The following SLC7A13 variants were observed in gnomAD, a reference collection of about 807,000 sequenced individuals.
The protein encoded by SLC7A13 is solute carrier family 7 member 13.
In SLC7A13, 31 loss-of-function variants were observed where a neutral mutation model predicts 32.0. That is an observed-to-expected ratio of 0.97 (90% confidence interval 0.73 to 1.31). SLC7A13 has a LOEUF of 1.31. SLC7A13 is among the 50% of genes most tolerant of loss of function. The probability of loss-of-function intolerance (pLI) is 0.00; values close to 1 mark genes in which losing one functional copy is unlikely to be tolerated. For synonymous variants in SLC7A13, 232 were observed against 206.9 expected (o/e 1.12, Z -1.04); for missense variants, 633 against 546.9 (o/e 1.16, Z -1.57).
chr8:86,230,038 T>C lies in SLC7A13; in HGVS notation c.240A>G (p.Gln80=). Residue 80 remains glutamine, a synonymous_variant, in exon 1 of 4, where the codon CAA becomes CAG. Transcript: ENST00000297524. ...ISISFPCSGA[Q]YYFLKRYFGS... ...CAAAGTATCTCTTGAGAAAATAGTA[T>C]TGAGCTCCACTGCATGGGAAGCTTA... 1 of 1,614,118 alleles carries C rather than the reference T, an allele frequency of 6.2e-7. No individual in the cohort carries two copies. Among genetic ancestry groups the C allele is most frequent in the South Asian group, 1.1e-5 (1 of 91,080 alleles).
intron 1 of SLC7A13, among the ~76,000 whole-genome samples, chr8:86,227,716 A>T (rs2954346): frequency 0.52 from 78,552 of 151,928 alleles, 22,122 homozygotes; most frequent in African/African-American, 0.73. Flanking sequence ...CTGGATTTTT[A>T]AAAAATGTGG....
intron 1 of SLC7A13, among the ~76,000 whole-genome samples, chr8:86,227,635 C>G (rs1586150563): frequency 6.6e-6 from 1 of 152,192 alleles, no homozygotes. Context: ...GACTTCCGCA[C>G]TTGCATGTTT....
At chr8:86,218,987 G>A (rs1473090094) in intron 2 of SLC7A13, among the ~76,000 whole-genome samples, 3 of 152,058 alleles carry the variant, frequency 2.0e-5, no homozygotes, top group Non-Finnish European at 4.4e-5. Context: ...TCCCAAATGC[G>A]ACAAAATTAA....
chr8:86,219,096 C>T (rs760542696), intron 2 of SLC7A13, among the ~76,000 whole-genome samples: 4 of 152,162 alleles, frequency 2.6e-5, no homozygotes, highest in Non-Finnish European at 5.9e-5. Flanking sequence ...AGCCTTAGTG[C>T]TATTCTACAA....
intron 1 of SLC7A13, among the ~76,000 whole-genome samples, chr8:86,228,540 A>C (rs1820427876): frequency 6.6e-6 from 1 of 151,820 alleles, no homozygotes. Flanking sequence ...CACTCAGATA[A>C]TTTTTTAAGA....
rs1437147634 is a variant in SLC7A13, at chr8:86,214,519, T to C, written c.1307A>G (p.Tyr436Cys). Residue 436 changes from tyrosine to cysteine, a missense_variant, in exon 4 of 4, where the codon TAC becomes TGC. By Grantham distance (194) the Tyr-to-Cys change is radical. Transcript: ENST00000297524. ...LLLVLSGLLF[Y>C]IPLIHFKIRL... ...TATTTTAAAATGTATTAAAGGTATG[T>C]AAAATAGTAATCCGCTGAGAACTAA... is the stretch of plus-strand genomic sequence containing the variant. 1 of 1,613,008 alleles carries C rather than the reference T, an allele frequency of 6.2e-7. No individual in the cohort carries two copies. The highest frequency in any genetic ancestry group is 2.2e-5 in the East Asian group (1 of 44,764).
intron 1 of SLC7A13, among the ~76,000 whole-genome samples, chr8:86,229,080 C>T (rs910631376): frequency 4.6e-5 from 7 of 152,016 alleles, no homozygotes; most frequent in East Asian, 3.9e-4. Flanking sequence ...GAATGCTTGA[C>T]GTGAAAATGG....
intron 1 of SLC7A13, 87 bp downstream of exon 1, chr8:86,229,506 A>C: frequency 8.4e-7 from 1 of 1,194,844 alleles, no homozygotes; most frequent in Middle Eastern, 2.0e-4. Context: ...TAAATCATTT[A>C]AGACTCAAAA....
chr8:86,219,699 C>T (rs1820255685), intron 2 of SLC7A13, among the ~76,000 whole-genome samples: 1 of 152,164 alleles, frequency 6.6e-6, no homozygotes, highest in East Asian at 1.9e-4. Flanking sequence ...CTTATTGGTA[C>T]ATTTGCATGC....
chr8:86,217,349 T>C, intron 3 of SLC7A13, 121 bp downstream of exon 3: 1 of 907,220 alleles, frequency 1.1e-6, no homozygotes, highest in Non-Finnish European at 1.5e-6. Context: ...TATTCTCATG[T>C]GTTTCACAGT....
intron 3 of SLC7A13, among the ~76,000 whole-genome samples, chr8:86,217,161 A>G (rs1820197199): frequency 1.3e-5 from 2 of 152,208 alleles, no homozygotes; most frequent in South Asian, 4.1e-4. Context: ...GAAGACATTC[A>G]TATGCATGAC....
intron 2 of SLC7A13, 143 bp from the exon 3 acceptor site, chr8:86,217,974 T>C: frequency 1.1e-6 from 1 of 906,624 alleles, no homozygotes; most frequent in East Asian, 2.8e-5. Context: ...ATTTATTTCC[T>C]TAGTTACACC....
At chr8:86,224,615 C>A (rs2976188) in intron 1 of SLC7A13, among the ~76,000 whole-genome samples, 19,702 of 152,090 alleles carry the variant, frequency 0.13, 1,382 homozygotes, top group Non-Finnish European at 0.15. Context: ...CACCATTTCC[C>A]CAAATTTTGT....
chr8:86,223,793 G>GCA (rs59737111), intron 1 of SLC7A13, among the ~76,000 whole-genome samples: 23,067 of 146,948 alleles, frequency 0.16, 1,898 homozygotes, highest in African/African-American at 0.19. Context: ...ACACTAAAAT[G>GCA]CACACACACA....
At chr8:86,214,716 A>T in intron 3 of SLC7A13, 70 bp from the exon 4 acceptor site, 2 of 1,092,244 alleles carry the variant, frequency 1.8e-6, no homozygotes, top group Non-Finnish European at 2.6e-6. Context: ...TATTCATATA[A>T]ATAAAAATGC....
rs1443233402 is a variant in SLC7A13 at position 86,217,678 on chromosome 8, G to T, written c.971C>A (p.Pro324His). The T allele has an allele frequency of 1.2e-6, 2 of 1,613,324 alleles. No homozygotes were observed. Among genetic ancestry groups the T allele is most frequent in the Non-Finnish European group, 1.7e-6 (2 of 1,179,638 alleles). ...ACTATTAAGTGTATTAAATAGCAAAGGCAGCTGGCCCTCTTGGCTTGCAAG... is the reference window on the plus strand; with the variant it reads ...ACTATTAAGTGTATTAAATAGCAAATGCAGCTGGCCCTCTTGGCTTGCAAG... The part of the protein sequence containing the change: ...IYLASQEGQL[P>H]LLFNTLNSHS... Residue 324 changes from proline to histidine, a missense_variant, in exon 3 of 4, where the codon CCT becomes CAT. Coordinates refer to ENST00000297524, the MANE Select transcript of SLC7A13 (RefSeq NM_138817.3).
intron 2 of SLC7A13, among the ~76,000 whole-genome samples, chr8:86,218,611 C>T (rs1820235636): frequency 6.6e-6 from 1 of 150,798 alleles, no homozygotes. Flanking sequence ...ATAAAATGTT[C>T]ATGGTACTAA....
At chr8:86,229,482 GAAGA>G in intron 1 of SLC7A13, 107 bp downstream of exon 1, 1 of 1,040,768 alleles carries the variant, frequency 9.6e-7, no homozygotes, top group Non-Finnish European at 1.4e-6. Context: ...AAGTCACAAA[GAAGA>G]AAGAAACATT....
intron 2 of SLC7A13, among the ~76,000 whole-genome samples, chr8:86,222,320 T>C (rs575456962): frequency 1.3e-5 from 2 of 152,270 alleles, no homozygotes; most frequent in East Asian, 3.9e-4. Flanking sequence ...CTCATTTCTT[T>C]CCAAATTTCT....
Sources: gnomAD v4.1 joint callset for allele counts (sites outside exome capture counted in the v4.1 genomes callset) on GRCh38, gnomAD v4.1.1 for gene constraint, MANE v1.5 for transcripts, NCBI Gene and HGNC (gene_info 2026-07-23, HGNC 2026-07-21) for gene names.